The following NUP205 variants were observed in gnomAD, a reference collection of about 807,000 sequenced individuals.
NUP205 encodes nucleoporin 205.
In NUP205, 76 loss-of-function variants were observed where a neutral mutation model predicts 253.8. The ratio of observed to expected loss-of-function variants is 0.30; its 90% CI spans 0.25 to 0.36. The LOEUF is 0.36. Ranked by LOEUF, NUP205 falls within the 10% of genes least tolerant of loss-of-function variation. The pLI is 1.00. For missense variants in NUP205, 2,162 were observed against 2,425.5 expected, an observed-to-expected ratio of 0.89 and a Z score of 2.28; for synonymous variants, 832 against 850.1, an observed-to-expected ratio of 0.98 and a Z score of 0.37.
At chr7:135,620,430 G>A (rs1052536895) in intron 30 of NUP205, among the ~76,000 whole-genome samples, 6 of 152,170 alleles carry the variant, frequency 3.9e-5, no homozygotes, top group Non-Finnish European at 8.8e-5. Flanking sequence ...CTACTCAGGA[G>A]GCTGAAGCAG....
In NUP205 at chr7:135,557,917, A is replaced by C; in HGVS notation, c.-28A>C. 1 of 1,611,718 alleles carries C rather than the reference A, an allele frequency of 6.2e-7. No individual in the cohort carries two copies. The highest frequency in any genetic ancestry group is 8.5e-7 in the Non-Finnish European group (1 of 1,177,748). On this transcript the variant is annotated 5_prime_UTR_variant, in exon 1 of 43. Coordinates refer to ENST00000285968, the MANE Select transcript of NUP205 (RefSeq NM_015135.3). ...CCCTTTCCCGGGGCCTCCATGCGGCAGAAGGGCTCTGTTAGTGCGCCTCTA... is the reference window on the plus strand; with the variant it reads ...CCCTTTCCCGGGGCCTCCATGCGGCCGAAGGGCTCTGTTAGTGCGCCTCTA...
Position 135,576,697 on chromosome 7 carries a change from C to T in NUP205, c.489-272C>T, listed in dbSNP as rs187833943. 2.2e-4 allele frequency among the ~76,000 whole-genome samples: 33 copies of T among 152,160 alleles called. No homozygotes were observed. The East Asian group carries it at 6.4e-3, about 29-fold the overall frequency. ...AGGAGTTTTAGATCAGCCTGGGCAA[C>T]ATGATGAAATCCCATCTCTACAAAA... On this transcript the variant is annotated intron_variant, in intron 4 of 42. Transcript: ENST00000285968.
At position 135,614,141 on chromosome 7, in the gene NUP205, C is replaced by T; in HGVS notation, c.3196-18C>T. ...CAGAAAGACTGATTCAGGGATTTTT[C>T]TTACTTTAATGCTTTAGGTCATATA... On this transcript the variant is annotated intron_variant, in intron 22 of 42. Coordinates refer to ENST00000285968, the MANE Select transcript of NUP205 (RefSeq NM_015135.3). The T allele has an allele frequency of 2.2e-6, 3 of 1,352,030 alleles. No homozygotes were observed. The highest frequency in any genetic ancestry group is 2.3e-5 in the East Asian group (1 of 43,298). 83.8% of individuals were successfully genotyped at this position (1,352,030 alleles called of 1,614,324 possible).
At chr7:135,570,052 T>TATATAGAGAGAGAG (rs1284263475) in intron 1 of NUP205, among the ~76,000 whole-genome samples, 4 of 79,186 alleles carry the variant, frequency 5.1e-5, no homozygotes, top group African/African-American at 1.6e-4. Context: ...TATATATATA[T>TATATAGAGAGAGAG]AGAGAGAGAG....
chr7:135,608,025 CTT>C (rs59973248), intron 22 of NUP205, among the ~76,000 whole-genome samples: 5,427 of 120,186 alleles, frequency 0.045, 215 homozygotes, highest in African/African-American at 0.1. Context: ...TGGGAAAGCA[CTT>C]TTTTTTTTTT....
intron 27 of NUP205, 28 bp downstream of exon 27, chr7:135,617,710 T>A (rs773143920): frequency 6.9e-7 from 1 of 1,443,050 alleles, no homozygotes; most frequent in Admixed American, 1.7e-5. Context: ...TGTGTTCGTT[T>A]CAAACTTCTA....
At chr7:135,570,880 ATATAT>A (rs986842185) in intron 1 of NUP205, among the ~76,000 whole-genome samples, 7 of 120,718 alleles carry the variant, frequency 5.8e-5, no homozygotes, top group South Asian at 2.3e-4. Context: ...AATATATGTA[ATATAT>A]TATATATTAT....
In NUP205 at chr7:135,602,740, C is replaced by T; in HGVS notation, c.2513-65C>T. On this transcript the variant is annotated intron_variant, in intron 17 of 42. Coordinates refer to ENST00000285968, the MANE Select transcript of NUP205 (RefSeq NM_015135.3). ...AAAACTTGTCATTTGTCTTGTTTTC[C>T]TAAGAATTGACTGTGAGTTTTTAAG... The T allele has an allele frequency of 2.3e-6, 3 of 1,288,970 alleles. No homozygotes were observed. The East Asian group carries it at 7.1e-5, about 30-fold the overall frequency. The allele number at this position is 1,288,970 out of a possible 1,614,324, so 79.8% of individuals were successfully genotyped here.
Position 135,598,181 on chromosome 7 carries a change from A to G in NUP205, c.2248A>G (p.Arg750Gly), listed in dbSNP as rs1793888976. Residue 750 changes from arginine (R) to glycine (G), a missense_variant, in exon 15 of 43, where the codon AGA becomes GGA. Around this residue, in one of 5 missense-constraint regions of NUP205, gnomAD observed 892 missense variants for 957.1 expected, o/e 0.93. Coordinates refer to ENST00000285968, the MANE Select transcript of NUP205 (RefSeq NM_015135.3). Reference protein sequence around the residue: ...RDSVFLRFRTRAYRRAAEKWE... With the variant: ...RDSVFLRFRTGAYRRAAEKWE... The stretch of plus-strand genomic sequence containing the variant: ...CTCTGTGTTTCTACGATTCCGTACA[A>G]GAGCTTACCGGAGAGCAGCTGAAAA... 1 of 1,614,124 alleles carries G rather than the reference A, an allele frequency of 6.2e-7. No individual in the cohort carries two copies. Among genetic ancestry groups the G allele is most frequent in the Non-Finnish European group, 8.5e-7 (1 of 1,179,992 alleles).
At chr7:135,636,879 G>A (rs1318477458) in intron 36 of NUP205, among the ~76,000 whole-genome samples, 5 of 152,060 alleles carry the variant, frequency 3.3e-5, no homozygotes, top group East Asian at 1.9e-4. Flanking sequence ...GGTGGTGCAC[G>A]CCTGTAGTCC....
chr7:135,614,126 G>A (rs926845072), intron 22 of NUP205, 33 bp from the exon 23 acceptor site: 4 of 1,180,792 alleles, frequency 3.4e-6, no homozygotes, highest in Non-Finnish European at 3.8e-6. Flanking sequence ...CAGAAAGACT[G>A]ATTCAGGGAT....
intron 31 of NUP205, among the ~76,000 whole-genome samples, chr7:135,624,425 G>A (rs1584682133): frequency 6.8e-6 from 1 of 147,910 alleles, no homozygotes; most frequent in South Asian, 2.2e-4. Context: ...CACCCAGGCT[G>A]GAGTGCAGTG....
At chr7:135,572,764 A>G (rs1806034478) in intron 2 of NUP205, among the ~76,000 whole-genome samples, 2 of 152,176 alleles carry the variant, frequency 1.3e-5, no homozygotes, top group Admixed American at 1.3e-4. Flanking sequence ...CACGTTCGCC[A>G]GGCTGGTCTT....
chr7:135,616,625 TC>T (rs1347898704), intron 24 of NUP205, 29 bp from the exon 25 acceptor site: 1 of 1,331,762 alleles, frequency 7.5e-7, no homozygotes, highest in East Asian at 2.4e-5. Context: ...TTCTTCTTTT[TC>T]TGATTCAATA....
chr7:135,560,210 G>A (rs762029794), intron 1 of NUP205, among the ~76,000 whole-genome samples: 3 of 151,664 alleles, frequency 2.0e-5, no homozygotes, highest in Non-Finnish European at 4.4e-5. Flanking sequence ...TGGCCAGACT[G>A]GTCTCAAACT....
At position 135,619,435 on chromosome 7, in the gene NUP205, G is replaced by A; in HGVS notation, c.3976G>A (p.Glu1326Lys). ...CTTGTCCTTTAAGATACTGGATGAT[G>A]AAGCTGCGCAAGAGTTAATGCCTGT... ...QDVHDKILDDEAAQELMPVVA... is the reference protein window; with the variant it reads ...QDVHDKILDDKAAQELMPVVA... Residue 1326 changes from glutamate (E) to lysine (K), a missense_variant, in exon 29 of 43, where the codon GAA becomes AAA. By Grantham distance (56) the Glu-to-Lys change is moderately conservative. This residue lies in a region of NUP205 where 1,144 missense variants were observed against 1,280.9 expected (regional missense o/e 0.89). Coordinates refer to ENST00000285968, the MANE Select transcript of NUP205 (RefSeq NM_015135.3). 1 of 1,612,636 alleles carries A rather than the reference G, an allele frequency of 6.2e-7. No homozygotes were observed. Among genetic ancestry groups the A allele is most frequent in the Non-Finnish European group, 8.5e-7 (1 of 1,179,898 alleles).
intron 3 of NUP205, among the ~76,000 whole-genome samples, chr7:135,574,618 A>T (rs1191223596): frequency 6.6e-6 from 1 of 152,206 alleles, no homozygotes; most frequent in East Asian, 1.9e-4. Context: ...GCAAAGGAAG[A>T]TGCAGATACA....
At chr7:135,603,657 GCACCACCA>G (rs1398615189) in intron 18 of NUP205, among the ~76,000 whole-genome samples, 1 of 151,838 alleles carries the variant, frequency 6.6e-6, no homozygotes, top group African/African-American at 2.4e-5. Flanking sequence ...CTATAGATGT[GCACCACCA>G]CACCCAGCTA....
chr7:135,559,435 A>C (rs1225049157), intron 1 of NUP205, among the ~76,000 whole-genome samples: 2 of 151,688 alleles, frequency 1.3e-5, no homozygotes, highest in Non-Finnish European at 2.9e-5. Context: ...GCGATCCGCG[A>C]TCCTGGCTCG....
Sources: gnomAD v4.1 joint callset for allele counts (sites outside exome capture counted in the v4.1 genomes callset) on GRCh38, gnomAD v4.1.1 for gene constraint, gnomAD v4.1.1 regional missense constraint, MANE v1.5 for transcripts, NCBI Gene and HGNC (gene_info 2026-07-23, HGNC 2026-07-21) for gene names.